The following SLC7A11 variants were observed in gnomAD, a reference collection of about 807,000 sequenced individuals.
SLC7A11 encodes the protein cystine/glutamate transporter.
SLC7A11 carries 35 observed loss-of-function variants against 54.5 expected under a neutral mutation model. That is an observed-to-expected ratio of 0.64 (90% CI 0.49 to 0.85). The LOEUF (loss-of-function observed/expected upper bound fraction) is 0.85, where lower values mean the gene tolerates loss of function less well. SLC7A11 is among the 40% of genes least tolerant of loss of function. The probability of loss-of-function intolerance (pLI) is 0.00; values close to 1 mark genes in which losing one functional copy is unlikely to be tolerated. For synonymous variants in SLC7A11, 230 were observed against 225.2 expected, an observed-to-expected ratio of 1.02 and a Z score of -0.19; for missense variants, 583 against 618.1, an observed-to-expected ratio of 0.94 and a Z score of 0.60.
rs1736714796 is a variant in SLC7A11 at position 138,180,659 on chromosome 4, A to T, written c.1248T>A (p.Asp416Glu). 1 of 1,612,864 alleles carries T rather than the reference A, an allele frequency of 6.2e-7. No individual in the cohort carries two copies. The highest frequency in any genetic ancestry group is 8.5e-7 in the Non-Finnish European group (1 of 1,179,380). The change falls in exon 10 of 12, where the codon GAT becomes GAA. Residue 416 changes from aspartate (D) to glutamate (E), a missense_variant. By Grantham distance (45) the Asp-to-Glu change is conservative (BLOSUM62 2). Transcript: ENST00000280612. Reference protein sequence around the residue: ...GLIYLRYKCPDMHRPFKVPLF... With the variant: ...GLIYLRYKCPEMHRPFKVPLF... ...AGGTTACCTTGAAAGGACGATGCATATCTGGGCATTTGTATCGAAGATAAA... is the reference window on the plus strand; with the variant it reads ...AGGTTACCTTGAAAGGACGATGCATTTCTGGGCATTTGTATCGAAGATAAA...
intron 10 of SLC7A11, among the ~76,000 whole-genome samples, chr4:138,180,322 C>T (rs1033634637): frequency 2.0e-5 from 3 of 152,076 alleles, no homozygotes; most frequent in Non-Finnish European, 4.4e-5. Context: ...TAAAGACAGA[C>T]AGAAGTAGCC....
intron 6 of SLC7A11, among the ~76,000 whole-genome samples, chr4:138,199,467 C>T (rs1737222963): frequency 6.6e-6 from 1 of 152,072 alleles, no homozygotes; most frequent in South Asian, 2.1e-4. Context: ...TCGACCACAA[C>T]TACTGGGTAG....
intron 6 of SLC7A11, among the ~76,000 whole-genome samples, chr4:138,191,015 C>T (rs1159063667): frequency 6.6e-6 from 1 of 152,064 alleles, no homozygotes; most frequent in Non-Finnish European, 1.5e-5. Context: ...CTATTAAAAA[C>T]ATTATAAATG....
At chr4:138,233,043 T>C (rs1327667496) in intron 2 of SLC7A11, among the ~76,000 whole-genome samples, 1 of 152,116 alleles carries the variant, frequency 6.6e-6, no homozygotes, top group African/African-American at 2.4e-5. Context: ...TTCAGGTATA[T>C]AGAAATATAG....
At chr4:138,184,650 A>G (rs1382836286) in intron 7 of SLC7A11, among the ~76,000 whole-genome samples, 1 of 152,148 alleles carries the variant, frequency 6.6e-6, no homozygotes, top group Non-Finnish European at 1.5e-5. Context: ...TCGCAGGACT[A>G]GTATTCAAAA....
intron 6 of SLC7A11, among the ~76,000 whole-genome samples, chr4:138,198,370 C>A (rs1478953926): frequency 1.3e-5 from 2 of 151,984 alleles, no homozygotes; most frequent in African/African-American, 4.8e-5. Flanking sequence ...AGAATCAATA[C>A]CCATAATATA....
intron 6 of SLC7A11, among the ~76,000 whole-genome samples, chr4:138,205,101 T>C (rs1737376932): frequency 6.6e-6 from 1 of 152,004 alleles, no homozygotes; most frequent in Admixed American, 6.6e-5. Flanking sequence ...CCATGAGAAC[T>C]ATAATATAGG....
intron 6 of SLC7A11, among the ~76,000 whole-genome samples, chr4:138,189,450 C>T (rs1342848108): frequency 1.3e-5 from 2 of 152,060 alleles, no homozygotes; most frequent in African/African-American, 4.8e-5. Context: ...GGGCTGGAAC[C>T]AGAACCCACC....
At chr4:138,219,941 CTTTTT>C (rs5862370) in intron 4 of SLC7A11, among the ~76,000 whole-genome samples, 1 of 143,552 alleles carries the variant, frequency 7.0e-6, no homozygotes. Flanking sequence ...GCAAGCCTTT[CTTTTT>C]TTATTTTTTT....
Position 138,215,512 on chromosome 4 carries a change from T to A in SLC7A11, c.747-883A>T, listed in dbSNP as rs184634199. Among the ~76,000 whole-genome samples the A allele has an allele frequency of 3.3e-5, 5 of 152,208 alleles. No homozygotes were observed. The East Asian group carries it at 5.8e-4, about 18-fold the overall frequency. Reference sequence around the variant, plus strand: ...TGTTCAAGGTTAAAGTGTCTACAATTTTAAGGACTGTTTTAAGTAGAAATA... The same window carrying A: ...TGTTCAAGGTTAAAGTGTCTACAATATTAAGGACTGTTTTAAGTAGAAATA... On this transcript the variant is annotated intron_variant, in intron 5 of 11. Coordinates refer to ENST00000280612, the MANE Select transcript of SLC7A11 (RefSeq NM_014331.4).
At chr4:138,189,768 G>A (rs1325747514) in intron 6 of SLC7A11, among the ~76,000 whole-genome samples, 1 of 152,046 alleles carries the variant, frequency 6.6e-6, no homozygotes, top group Non-Finnish European at 1.5e-5. Context: ...ACTCTATCAT[G>A]GAGCATCAGA....
At chr4:138,205,032 T>C (rs1451683480) in intron 6 of SLC7A11, among the ~76,000 whole-genome samples, 2 of 152,054 alleles carry the variant, frequency 1.3e-5, no homozygotes, top group African/African-American at 4.8e-5. Context: ...ATGGTGTTTG[T>C]ATATTACTTG....
chr4:138,209,291 T>C (rs1455334970), intron 6 of SLC7A11, among the ~76,000 whole-genome samples: 2 of 152,000 alleles, frequency 1.3e-5, no homozygotes, highest in African/African-American at 4.8e-5. Flanking sequence ...AAGTTGCATG[T>C]TGCCGCACAC....
In SLC7A11 at chr4:138,166,062, T is replaced by A. The variant is rs1417593896; in HGVS notation, c.*5894A>T. On this transcript the variant is annotated 3_prime_UTR_variant, in exon 12 of 12. Transcript: ENST00000280612. The stretch of plus-strand genomic sequence containing the variant: ...TGAGCATACATTCATGGGAACAATC[T>A]GTTTCATTCTTCAAAGTATGTTTGT... The A allele has an allele frequency of 6.6e-6, 1 of 152,140 alleles. No homozygotes were observed. Among genetic ancestry groups the A allele is most frequent in the African/African-American group, 2.4e-5 (1 of 41,456 alleles). 9.4% of individuals were successfully genotyped at this position (152,140 alleles called of 1,614,324 possible).
intron 2 of SLC7A11, among the ~76,000 whole-genome samples, chr4:138,235,094 A>G (rs1560741264): frequency 6.6e-6 from 1 of 152,232 alleles, no homozygotes; most frequent in Non-Finnish European, 1.5e-5. Flanking sequence ...AAGGAAGAAT[A>G]GAAGGTATCA....
At chr4:138,200,518 A>G (rs563459547) in intron 6 of SLC7A11, among the ~76,000 whole-genome samples, 4 of 152,114 alleles carry the variant, frequency 2.6e-5, no homozygotes, top group Non-Finnish European at 5.9e-5. Flanking sequence ...GGTCACTTCT[A>G]ATGATTACAT....
intron 6 of SLC7A11, among the ~76,000 whole-genome samples, chr4:138,188,746 C>T (rs966438796): frequency 9.9e-5 from 15 of 152,154 alleles, no homozygotes; most frequent in African/African-American, 2.2e-4. Context: ...CAGTAGGCCA[C>T]GGATATTTCA....
chr4:138,200,921 T>A (rs2148427586), intron 6 of SLC7A11, among the ~76,000 whole-genome samples: 1 of 152,208 alleles, frequency 6.6e-6, no homozygotes, highest in East Asian at 1.9e-4. Flanking sequence ...TGTAGAGACA[T>A]TACTATAATA....
intron 11 of SLC7A11, chr4:138,175,684 T>C (rs1417059733): frequency 1.3e-5 from 2 of 152,078 alleles, no homozygotes; most frequent in Non-Finnish European, 2.9e-5. Context: ...CAAAAAGTGG[T>C]TCAATACTGG....
Sources: allele counts gnomAD v4.1 joint callset (sites outside exome capture counted in the v4.1 genomes callset), GRCh38; gene constraint gnomAD v4.1.1; transcripts MANE v1.5; gene names NCBI Gene and HGNC (gene_info 2026-07-23, HGNC 2026-07-21).